Variants in ARHGEF33 observed in about 807,000 individuals in gnomAD.
ARHGEF33 encodes the protein DH and coiled-coil domain-containing protein ENSP00000381780.
Under a neutral mutation model 101.9 loss-of-function variants are expected in ARHGEF33, and 72 were observed. That is an observed-to-expected ratio of 0.71 (90% CI 0.58 to 0.86). The LOEUF (loss-of-function observed/expected upper bound fraction) is 0.86. ARHGEF33 is among the 40% of genes least tolerant of loss of function. ARHGEF33 has a pLI of 0.00. For synonymous variants in ARHGEF33, 499 were observed against 442.5 expected, an observed-to-expected ratio of 1.13 and a Z score of -1.60; for missense variants, 1,169 against 1,111.3, an observed-to-expected ratio of 1.05 and a Z score of -0.74.
intron 16 of ARHGEF33, among the ~76,000 whole-genome samples, chr2:38,961,673 T>C (rs1667943019): frequency 1.3e-5 from 2 of 152,028 alleles, no homozygotes. Flanking sequence ...TGCTGAAAAT[T>C]CAGAAATAAA....
rs1209972977 is a variant in ARHGEF33, at chr2:38,931,203, C to G, written c.457C>G (p.Pro153Ala). The G allele has an allele frequency of 6.4e-7, 1 of 1,551,562 alleles. No homozygotes were observed. The highest frequency in any genetic ancestry group is 1.2e-5 in the South Asian group (1 of 84,046). Residue 153 changes from proline to alanine, a missense_variant, in exon 7 of 18, where the codon CCA becomes GCA. Physicochemically the swap from Pro to Ala is conservative, Grantham distance 27 (BLOSUM62 -1). Coordinates refer to ENST00000409978, the MANE Select transcript of ARHGEF33 (RefSeq NM_001145451.5). ...RSINIPEPVL[P>A]SEDFTNLLPS... ...TATCAATATCCCTGAGCCTGTTCTTCCAAGCGAAGACTTTACCAACCTTTT... is the reference window on the plus strand; with the variant it reads ...TATCAATATCCCTGAGCCTGTTCTTGCAAGCGAAGACTTTACCAACCTTTT...
chr2:38,939,908 T>C (rs986893201), intron 9 of ARHGEF33, among the ~76,000 whole-genome samples: 1 of 152,260 alleles, frequency 6.6e-6, no homozygotes, highest in Non-Finnish European at 1.5e-5. Context: ...CTGGTATGCT[T>C]TCTTCTAAAA....
At position 38,931,162 on chromosome 2, in the gene ARHGEF33, G is replaced by A. The variant is rs1355005921; in HGVS notation, c.416G>A (p.Gly139Glu). Residue 139 changes from glycine to glutamate, a missense_variant, in exon 7 of 18, where the codon GGA becomes GAA. By Grantham distance (98) the Gly-to-Glu change is moderately conservative. Transcript: ENST00000409978. ...SSQAGPAQAQ[G>E]SPFRSINIPE... ...CAGGCCGGGCCTGCCCAAGCACAAG[G>A]AAGTCCTTTTCGTTCTATCAATATC... is the stretch of plus-strand genomic sequence containing the variant. 5.8e-6 allele frequency: 9 copies of A among 1,551,440 alleles called. No homozygotes were observed. In the East Asian group the frequency reaches 2.0e-4, roughly 34 times the overall value.
intron 1 of ARHGEF33, among the ~76,000 whole-genome samples, chr2:38,892,722 C>T (rs1408156777): frequency 6.6e-6 from 1 of 152,154 alleles, no homozygotes. Flanking sequence ...ATATTTCCTC[C>T]TTCTGAATCT....
chr2:38,932,328 T>C (rs913267068), intron 7 of ARHGEF33, among the ~76,000 whole-genome samples: 6 of 152,250 alleles, frequency 3.9e-5, no homozygotes, highest in African/African-American at 1.4e-4. Context: ...GGTTTCACCA[T>C]GTTGGCCAGG....
intron 7 of ARHGEF33, among the ~76,000 whole-genome samples, chr2:38,931,934 C>G (rs910847877): frequency 2.0e-5 from 3 of 152,168 alleles, no homozygotes; most frequent in African/African-American, 2.4e-5. Context: ...AAAAGAAAGA[C>G]TCAATGATTT....
chr2:38,953,752 C>T (rs1021634406), intron 12 of ARHGEF33, among the ~76,000 whole-genome samples: 3 of 152,136 alleles, frequency 2.0e-5, no homozygotes, highest in Non-Finnish European at 4.4e-5. Flanking sequence ...ATCAGAAGCC[C>T]CAACACTAAG....
Position 38,944,046 on chromosome 2 carries a change from T to A in ARHGEF33, c.920+16T>A, listed in dbSNP as rs1314616150. On this transcript the variant is annotated intron_variant, in intron 10 of 17. Transcript: ENST00000409978. ...AAGAGAGAAGGTATCCATGCACTCA[T>A]TGCCTTTGCTTTTCAGATTGATTAG... The A allele has an allele frequency of 6.5e-7, 1 of 1,533,304 alleles. No individual in the cohort carries two copies. The allele number at this position is 1,533,304 out of a possible 1,614,324, so 95.0% of individuals were successfully genotyped here. A position where few individuals can be genotyped will look rare whatever the true frequency, so the allele number is the denominator to read the frequency against.
intron 3 of ARHGEF33, 136 bp from the exon 4 acceptor site, chr2:38,921,238 C>T (rs1666749071): frequency 3.2e-6 from 2 of 629,254 alleles, no homozygotes; most frequent in East Asian, 2.8e-5. Flanking sequence ...ATTTTTTGTT[C>T]CCCTGGAATC....
intron 4 of ARHGEF33, among the ~76,000 whole-genome samples, chr2:38,928,270 A>G (rs1351721343): frequency 6.6e-6 from 1 of 152,168 alleles, no homozygotes; most frequent in Non-Finnish European, 1.5e-5. Flanking sequence ...TCATATCACC[A>G]TCAACAATAT....
chr2:38,937,323 C>A lies in ARHGEF33; in HGVS notation c.566-12C>A. ...TTTCTTTGTTTCCCCGCCCCTCCCCCCACCCCACCAGGAGTGAACCCAACA... is the reference window on the plus strand; with the variant it reads ...TTTCTTTGTTTCCCCGCCCCTCCCCACACCCCACCAGGAGTGAACCCAACA... On this transcript the variant is annotated splice_polypyrimidine_tract_variant and intron_variant, in intron 8 of 17. Transcript: ENST00000409978. The A allele has an allele frequency of 1.7e-5, 7 of 408,114 alleles. No individual in the cohort carries two copies. The highest frequency in any genetic ancestry group is 2.7e-5 in the Non-Finnish European group (6 of 224,982). 25.3% of individuals were successfully genotyped at this position (408,114 alleles called of 1,614,324 possible).
At chr2:38,934,240 C>T (rs530256045) in intron 7 of ARHGEF33, among the ~76,000 whole-genome samples, 11 of 152,330 alleles carry the variant, frequency 7.2e-5, no homozygotes, top group African/African-American at 2.4e-4. Flanking sequence ...TTTGATTTTA[C>T]ACCTACTTTC....
Position 38,953,258 on chromosome 2 carries a change from C to G in ARHGEF33, c.1137+13C>G, listed in dbSNP as rs1243099831. On this transcript the variant is annotated intron_variant, in intron 12 of 17. Transcript: ENST00000409978. The stretch of plus-strand genomic sequence containing the variant: ...AGTCCTGAAAGAGGTGAGTTAACGC[C>G]ATATATATGCTATCCTTCATCTGCA... The G allele has an allele frequency of 7.1e-7, 1 of 1,405,606 alleles. No individual in the cohort carries two copies. Among genetic ancestry groups the G allele is most frequent in the Non-Finnish European group, 9.9e-7 (1 of 1,013,254 alleles). 87.1% of individuals were successfully genotyped at this position (1,405,606 alleles called of 1,614,324 possible).
chr2:38,897,946 A>G (rs907322207), intron 2 of ARHGEF33, among the ~76,000 whole-genome samples: 2 of 152,208 alleles, frequency 1.3e-5, no homozygotes, highest in Non-Finnish European at 2.9e-5. Context: ...TGTGCATGGG[A>G]GTGACTAAAG....
intron 15 of ARHGEF33, among the ~76,000 whole-genome samples, chr2:38,959,097 A>G (rs1376966442): frequency 1.3e-5 from 2 of 152,232 alleles, no homozygotes; most frequent in Non-Finnish European, 2.9e-5. Flanking sequence ...TACATCTGTC[A>G]ATTTAAGTCC....
chr2:38,905,367 G>A (rs1257935399), intron 2 of ARHGEF33, among the ~76,000 whole-genome samples: 1 of 152,182 alleles, frequency 6.6e-6, no homozygotes, highest in African/African-American at 2.4e-5. Flanking sequence ...GGCTTTGGGG[G>A]CTGGAGGGCT....
At chr2:38,909,768 G>C (rs1666469617) in intron 2 of ARHGEF33, among the ~76,000 whole-genome samples, 1 of 142,458 alleles carries the variant, frequency 7.0e-6, no homozygotes, top group African/African-American at 2.6e-5. Flanking sequence ...AGGTATCCTA[G>C]TTTTAAGCAC....
intron 8 of ARHGEF33, among the ~76,000 whole-genome samples, chr2:38,936,255 G>C (rs1667126651): frequency 6.6e-6 from 1 of 152,114 alleles, no homozygotes; most frequent in South Asian, 2.1e-4. Flanking sequence ...GAAGATAAAA[G>C]AAAACAAAAT....
At chr2:38,966,206 G>T in intron 17 of ARHGEF33, 61 bp downstream of exon 17, 1 of 1,521,150 alleles carries the variant, frequency 6.6e-7, no homozygotes, top group Non-Finnish European at 8.8e-7. Context: ...AAATCTTGAG[G>T]TTTTAACAAT....
Sources: gnomAD v4.1 joint callset for allele counts (sites outside exome capture counted in the v4.1 genomes callset) on GRCh38, gnomAD v4.1.1 for gene constraint, MANE v1.5 for transcripts, NCBI Gene and HGNC (gene_info 2026-07-23, HGNC 2026-07-21) for gene names.